Variants in YLPM1 observed in about 807,000 individuals in gnomAD.
YLPM1 encodes the protein YLP motif containing 1.
YLPM1 carries 99 observed loss-of-function variants against 230.0 expected under a neutral mutation model. The observed-to-expected ratio is 0.43, with a 90% CI of 0.37 to 0.51. YLPM1 has a LOEUF of 0.51. Ranked by LOEUF, YLPM1 falls within the 20% of genes least tolerant of loss-of-function variation. The pLI is 0.00. For missense variants in YLPM1, 2,592 were observed against 2,707.7 expected (o/e 0.96, Z 0.95); for synonymous variants, 984 against 942.5 (o/e 1.04, Z -0.81).
At position 74,763,389 on chromosome 14, in the gene YLPM1, G is replaced by A; in HGVS notation, c.-101G>A. 1 of 1,356,968 alleles carries A rather than the reference G, an allele frequency of 7.4e-7. No homozygotes were observed. Among genetic ancestry groups the A allele is most frequent in the Non-Finnish European group, 9.6e-7 (1 of 1,042,708 alleles). The allele number at this position is 1,356,968 out of a possible 1,614,324, so 84.1% of individuals were successfully genotyped here. On this transcript the variant is annotated 5_prime_UTR_variant, in exon 1 of 21. Coordinates refer to ENST00000325680, the MANE Select transcript of YLPM1 (RefSeq NM_019589.3). ...CCGTTTACACGCTCCGGGGCCTGTA[G>A]GCGCCGCGAGTTCCGGCTGTCGCCG...
intron 4 of YLPM1, among the ~76,000 whole-genome samples, chr14:74,787,393 G>C (rs923974745): frequency 2.6e-5 from 4 of 150,998 alleles, no homozygotes; most frequent in African/African-American, 9.7e-5. Context: ...TGAAGCCCCA[G>C]CTCTACCAAA....
At chr14:74,832,154 A>G (rs955502018) in intron 19 of YLPM1, among the ~76,000 whole-genome samples, 3 of 152,256 alleles carry the variant, frequency 2.0e-5, no homozygotes, top group African/African-American at 7.2e-5. Flanking sequence ...GGAAAAAACA[A>G]CAGCAAAAAT....
chr14:74,819,378 G>A (rs548713647), intron 16 of YLPM1, among the ~76,000 whole-genome samples: 40 of 151,064 alleles, frequency 2.6e-4, no homozygotes, highest in African/African-American at 8.3e-4. Flanking sequence ...GGGTTCAGGC[G>A]ATTCTCCTGC....
intron 1 of YLPM1, among the ~76,000 whole-genome samples, chr14:74,772,290 A>G (rs1027016807): frequency 6.6e-6 from 1 of 151,368 alleles, no homozygotes; most frequent in Admixed American, 6.6e-5. Flanking sequence ...CCTGGGCTCA[A>G]GCGATATTCG....
chr14:74,792,922 G>T (rs940029740), intron 4 of YLPM1, among the ~76,000 whole-genome samples: 6 of 152,160 alleles, frequency 3.9e-5, no homozygotes, highest in Admixed American at 3.3e-4. Flanking sequence ...GAGTCGTCCT[G>T]TATCTGACAA....
intron 11 of YLPM1, among the ~76,000 whole-genome samples, chr14:74,813,965 G>T (rs1458326560): frequency 6.6e-6 from 1 of 151,978 alleles, no homozygotes; most frequent in Non-Finnish European, 1.5e-5. Flanking sequence ...TTGCCTAATT[G>T]CCCTGGCTAG....
chr14:74,797,282 C>T (rs905644058), intron 4 of YLPM1, among the ~76,000 whole-genome samples: 5 of 151,424 alleles, frequency 3.3e-5, no homozygotes, highest in South Asian at 2.1e-4. Context: ...TGAGCCACTG[C>T]GCCAGGCCTG....
intron 1 of YLPM1, among the ~76,000 whole-genome samples, chr14:74,767,906 C>T (rs1030094989): frequency 2.6e-5 from 4 of 151,856 alleles, no homozygotes; most frequent in Non-Finnish European, 5.9e-5. Flanking sequence ...CCTCATGGGA[C>T]ACCCGATGCC....
chr14:74,798,742 G>GAAA lies in YLPM1; in HGVS notation c.3445_3446insAAA (p.Gly1149delinsGluArg). 4 of 1,613,322 alleles carry GAAA rather than the reference G, an allele frequency of 2.5e-6. No individual in the cohort carries two copies. The highest frequency in any genetic ancestry group is 3.4e-6 in the Non-Finnish European group (4 of 1,179,430). On this transcript the variant is annotated protein_altering_variant, in exon 5 of 21. Transcript: ENST00000325680. Reference sequence around the variant, plus strand: ...GAGCAGGGAGAGAGGACCACCTCGAGGGCCTGGCAGTCGAGAAAGGGGACT... The same window carrying GAAA: ...GAGCAGGGAGAGAGGACCACCTCGAGAAAGGCCTGGCAGTCGAGAAAGGGGACT...
chr14:74,773,711 C>CTTTTTTT lies in YLPM1; in HGVS notation c.874-4715_874-4709dup, dbSNP rs766885242. ...TCATGGTCAGTGTGCTGTTTTCTTT[C>CTTTTTTT]TTTTTTTTTTTTTTTTTTTTTTTTT... On this transcript the variant is annotated intron_variant, in intron 1 of 20. Transcript: ENST00000325680. 2.8e-3 allele frequency among the ~76,000 whole-genome samples: 167 copies of CTTTTTTT among 60,568 alleles called. 13 individuals are homozygous for CTTTTTTT. The highest frequency in any genetic ancestry group is 5.4e-3 in the African/African-American group (72 of 13,324). 39.7% of individuals were successfully genotyped at this position (60,568 alleles called of 152,430 possible).
Position 74,763,795 on chromosome 14 carries a change from G to A in YLPM1, c.306G>A (p.Pro102=), listed in dbSNP as rs775028830. 1 of 1,500,054 alleles carries A rather than the reference G, an allele frequency of 6.7e-7. No homozygotes were observed. The highest frequency in any genetic ancestry group is 8.9e-7 in the Non-Finnish European group (1 of 1,125,402). The allele number at this position is 1,500,054 out of a possible 1,614,324, so 92.9% of individuals were successfully genotyped here. ...GGGGCGGCTACGGAGACTGGCAGCC[G>A]CCACCGCCACCGATGCCCCCGCCAC... ...MPGGGYGDWQ[P]PPPPMPPPPG... Residue 102 remains proline (P), a synonymous_variant, in exon 1 of 21, where the codon CCG becomes CCA. Coordinates refer to ENST00000325680, the MANE Select transcript of YLPM1 (RefSeq NM_019589.3).
At chr14:74,771,888 G>T (rs2090980201) in intron 1 of YLPM1, among the ~76,000 whole-genome samples, 1 of 152,240 alleles carries the variant, frequency 6.6e-6, no homozygotes. Context: ...AAGCTTATCT[G>T]GTGACCCTGA....
intron 2 of YLPM1, 37 bp from the exon 3 acceptor site, chr14:74,780,368 A>C (rs761846006): frequency 4.5e-6 from 7 of 1,564,118 alleles, no homozygotes; most frequent in Non-Finnish European, 6.1e-6. Context: ...TTGCTGTTTT[A>C]TGACTTACAT....
intron 4 of YLPM1, among the ~76,000 whole-genome samples, chr14:74,784,973 A>C (rs1352552399): frequency 6.6e-6 from 1 of 152,210 alleles, no homozygotes; most frequent in African/African-American, 2.4e-5. Flanking sequence ...CCTAGTACCA[A>C]CTTCATTATA....
chr14:74,802,155 T>C (rs1339634984), intron 5 of YLPM1, among the ~76,000 whole-genome samples: 3 of 148,988 alleles, frequency 2.0e-5, no homozygotes, highest in Admixed American at 6.7e-5. Flanking sequence ...GAGGCAGAGG[T>C]TGTAGTGAGC....
Position 74,763,942 on chromosome 14 carries a change from T to C in YLPM1, c.453T>C (p.Pro151=). ...MELESPPESP[P]VPPGSYMPPS... ...TGGAATCCCCCCCTGAATCTCCCCC[T>C]GTGCCGCCTGGGTCCTATATGCCCC... is the stretch of plus-strand genomic sequence containing the variant. Residue 151 remains proline (P), a synonymous_variant, in exon 1 of 21, where the codon CCT becomes CCC. Transcript: ENST00000325680. The C allele has an allele frequency of 1.0e-6, 1 of 963,488 alleles. No homozygotes were observed. Among genetic ancestry groups the C allele is most frequent in the Non-Finnish European group, 1.3e-6 (1 of 773,044 alleles). The allele number at this position is 963,488 out of a possible 1,614,324, so 59.7% of individuals were successfully genotyped here. A position where few individuals can be genotyped will look rare whatever the true frequency, so the allele number is the denominator to read the frequency against.
intron 1 of YLPM1, among the ~76,000 whole-genome samples, chr14:74,765,918 A>G (rs990802808): frequency 2.0e-5 from 3 of 152,214 alleles, no homozygotes; most frequent in Non-Finnish European, 2.9e-5. Context: ...CATAGACCAG[A>G]TCAAGAAGAG....
At chr14:74,767,172 G>C (rs549875855) in intron 1 of YLPM1, among the ~76,000 whole-genome samples, 1 of 152,084 alleles carries the variant, frequency 6.6e-6, no homozygotes. Context: ...GTGAGCCACC[G>C]TGCCCGGCCA....
chr14:74,812,643 A>G lies in YLPM1; in HGVS notation c.5363A>G (p.Tyr1788Cys). 1 of 1,613,546 alleles carries G rather than the reference A, an allele frequency of 6.2e-7. No homozygotes were observed. The highest frequency in any genetic ancestry group is 8.5e-7 in the Non-Finnish European group (1 of 1,179,726). The change falls in exon 11 of 21, where the codon TAT (tyrosine) becomes TGT (cysteine). Residue 1788 changes from tyrosine to cysteine, a missense_variant. Tyr to Cys is a radical substitution (Grantham distance 194). Coordinates refer to ENST00000325680, the MANE Select transcript of YLPM1 (RefSeq NM_019589.3). ...PSMFGGERRT[Y>C]PEERMPLPAP... ...GGAATCCTAGGAGAACGAAGGACTT[A>G]TCCTGAGGAGCGAATGCCTCTGCCA...
Sources: gnomAD v4.1 joint callset for allele counts (sites outside exome capture counted in the v4.1 genomes callset) on GRCh38, gnomAD v4.1.1 for gene constraint, MANE v1.5 for transcripts, NCBI Gene and HGNC (gene_info 2026-07-23, HGNC 2026-07-21) for gene names.